RPL39L: variants seen among roughly 807,000 people sequenced by gnomAD.
RPL39L encodes the protein ribosomal protein L39 like.
For synonymous variants in RPL39L, 16 were observed against 20.1 expected, an observed-to-expected ratio of 0.80 and a Z score of 0.55; for missense variants, 48 against 58.9, an observed-to-expected ratio of 0.81 and a Z score of 0.61.
In RPL39L at chr3:187,121,229, G is replaced by C. The variant is rs1720303079; in HGVS notation, c.72C>G (p.Pro24=). 1.9e-6 allele frequency: 3 copies of C among 1,613,794 alleles called. No individual in the cohort carries two copies. Among genetic ancestry groups the C allele is most frequent in the African/African-American group, 1.3e-5 (1 of 74,894 alleles). The part of the protein sequence containing the change: ...AKKQKQNRPI[P]QWIQMKPGSK... ...TACCAGGTTTCATCTGAATCCACTG[G>C]GGGATGGGACGATTTTGCTTTTGTT... Residue 24 remains proline, a synonymous_variant, in exon 3 of 3, where the codon CCC becomes CCG. Transcript: ENST00000296277.
intron 1 of RPL39L, among the ~76,000 whole-genome samples, chr3:187,134,568 A>G (rs1720543667): frequency 6.6e-6 from 1 of 152,094 alleles, no homozygotes; most frequent in Admixed American, 6.5e-5. Flanking sequence ...AGGACATTAA[A>G]TGGATAGAAT....
At chr3:187,132,158 G>A (rs900202297) in intron 1 of RPL39L, among the ~76,000 whole-genome samples, 5 of 152,150 alleles carry the variant, frequency 3.3e-5, no homozygotes, top group Admixed American at 2.0e-4. Flanking sequence ...CAATACCAGA[G>A]GTATTGCCCA....
intron 1 of RPL39L, among the ~76,000 whole-genome samples, chr3:187,129,016 A>C (rs1720444053): frequency 6.6e-6 from 1 of 152,210 alleles, no homozygotes; most frequent in African/African-American, 2.4e-5. Flanking sequence ...CACTGTTGCA[A>C]AATGACCATA....
intron 2 of RPL39L, among the ~76,000 whole-genome samples, chr3:187,123,944 A>G (rs1720354932): frequency 6.6e-6 from 1 of 152,240 alleles, no homozygotes; most frequent in Non-Finnish European, 1.5e-5. Flanking sequence ...ACTTTTAAAA[A>G]GAAACTCAAA....
At chr3:187,122,407 A>T (rs1457829545) in intron 2 of RPL39L, among the ~76,000 whole-genome samples, 4 of 151,920 alleles carry the variant, frequency 2.6e-5, no homozygotes, top group Non-Finnish European at 5.9e-5. Flanking sequence ...TAACTCTAAG[A>T]TAATGGGGAT....
At chr3:187,133,342 A>G (rs781351615) in intron 1 of RPL39L, among the ~76,000 whole-genome samples, 2 of 152,080 alleles carry the variant, frequency 1.3e-5, no homozygotes, top group Non-Finnish European at 2.9e-5. Flanking sequence ...GGGAGTTCTC[A>G]TGAGATCTGA....
intron 1 of RPL39L, among the ~76,000 whole-genome samples, chr3:187,133,457 T>TCCCCCC (rs980181582): frequency 6.6e-6 from 1 of 152,064 alleles, no homozygotes; most frequent in Non-Finnish European, 1.5e-5. Context: ...TCCTGAGGCC[T>TCCCCCC]CCCCAGCCAT....
At chr3:187,123,948 A>G (rs917071367) in intron 2 of RPL39L, among the ~76,000 whole-genome samples, 2 of 152,196 alleles carry the variant, frequency 1.3e-5, no homozygotes, top group African/African-American at 4.8e-5. Context: ...TTAAAAAGAA[A>G]CTCAAAGAGA....
At chr3:187,138,102 ATG>A (rs1720616817) in intron 1 of RPL39L, among the ~76,000 whole-genome samples, 1 of 152,220 alleles carries the variant, frequency 6.6e-6, no homozygotes, top group African/African-American at 2.4e-5. Context: ...CTGTCTCTTG[ATG>A]TCCTAGTGAC....
chr3:187,126,975 G>T (rs923641938), intron 2 of RPL39L, among the ~76,000 whole-genome samples: 1 of 152,132 alleles, frequency 6.6e-6, no homozygotes, highest in Non-Finnish European at 1.5e-5. Context: ...TGAACAGGTG[G>T]GCCCAAACTT....
At position 187,134,482 on chromosome 3, in the gene RPL39L, A is replaced by AT. The variant is rs1257712729; in HGVS notation, c.-93+4730dup. On this transcript the variant is annotated intron_variant, in intron 1 of 2. Transcript: ENST00000296277. ...TGCCCAAACTACTTTAGCCTGACTG[A>AT]TAAAAAAAAAAAAAAAAAAAGAAGA... is the stretch of plus-strand genomic sequence containing the variant. Among the ~76,000 whole-genome samples, 13 of 118,596 alleles carry AT rather than the reference A, an allele frequency of 1.1e-4. 1 individual carries two copies. The highest frequency in any genetic ancestry group is 8.0e-4 in the South Asian group (3 of 3,734). 77.8% of individuals were successfully genotyped at this position (118,596 alleles called of 152,430 possible).
chr3:187,130,058 T>G (rs1197633911), intron 1 of RPL39L, among the ~76,000 whole-genome samples: 1 of 152,244 alleles, frequency 6.6e-6, no homozygotes, highest in African/African-American at 2.4e-5. Context: ...AAACCCATCA[T>G]AGAACTCTCA....
intron 1 of RPL39L, among the ~76,000 whole-genome samples, chr3:187,134,488 A>G (rs1267463957): frequency 6.6e-6 from 1 of 151,348 alleles, no homozygotes; most frequent in Non-Finnish European, 1.5e-5. Context: ...ACTGATAAAA[A>G]AAAAAAAAAA....
At chr3:187,127,495 G>A (rs1225326621) in intron 2 of RPL39L, among the ~76,000 whole-genome samples, 1 of 152,166 alleles carries the variant, frequency 6.6e-6, no homozygotes, top group Non-Finnish European at 1.5e-5. Flanking sequence ...TTCCTAGAAC[G>A]CTGGTAATTT....
intron 1 of RPL39L, among the ~76,000 whole-genome samples, chr3:187,131,297 C>T (rs1018672499): frequency 6.6e-6 from 1 of 151,994 alleles, no homozygotes; most frequent in African/African-American, 2.4e-5. Context: ...GGCACATCAC[C>T]TGCCTGATTT....
intron 1 of RPL39L, among the ~76,000 whole-genome samples, chr3:187,131,234 T>G (rs571041467): frequency 1.1e-4 from 16 of 152,202 alleles, no homozygotes; most frequent in African/African-American, 3.6e-4. Context: ...TCCCAGCATT[T>G]TGGGAGGCTG....
chr3:187,127,659 A>G (rs571580171), intron 2 of RPL39L, among the ~76,000 whole-genome samples: 1 of 152,338 alleles, frequency 6.6e-6, no homozygotes, highest in African/African-American at 2.4e-5. Context: ...CCTGTCTACC[A>G]TCATCCCACC....
At chr3:187,137,198 CAAA>C (rs33967617) in intron 1 of RPL39L, among the ~76,000 whole-genome samples, 1,559 of 37,524 alleles carry the variant, frequency 0.042, 33 homozygotes, top group African/African-American at 0.13. Flanking sequence ...CACTCTTCCT[CAAA>C]AAAAAAAAAA....
At chr3:187,129,071 G>A (rs965135694) in intron 1 of RPL39L, among the ~76,000 whole-genome samples, 1 of 152,194 alleles carries the variant, frequency 6.6e-6, no homozygotes, top group Admixed American at 6.5e-5. Context: ...AGGCTATGTG[G>A]CAAGACAGTG....
Sources: gnomAD v4.1 joint callset for allele counts (sites outside exome capture counted in the v4.1 genomes callset) on GRCh38, gnomAD v4.1.1 for gene constraint, MANE v1.5 for transcripts, NCBI Gene and HGNC (gene_info 2026-07-23, HGNC 2026-07-21) for gene names.